KCNMB2: variants seen among roughly 807,000 people sequenced by gnomAD.
KCNMB2 encodes the protein calcium-activated potassium channel subunit beta-2.
KCNMB2 carries 9 observed loss-of-function variants against 24.5 expected under a neutral mutation model. That is an observed-to-expected ratio of 0.37 (90% CI 0.22 to 0.64). KCNMB2 has a LOEUF of 0.64. KCNMB2 is among the 30% of genes least tolerant of loss of function. The pLI, the probability that KCNMB2 is intolerant of heterozygous loss-of-function variation, is 0.63. For synonymous variants in KCNMB2, 109 were observed against 104.4 expected, an observed-to-expected ratio of 1.04 and a Z score of -0.27; for missense variants, 226 against 284.3, an observed-to-expected ratio of 0.79 and a Z score of 1.47.
intron 1 of KCNMB2, among the ~76,000 whole-genome samples, chr3:178,803,699 T>C (rs1271752108): frequency 1.3e-5 from 2 of 151,764 alleles, no homozygotes; most frequent in African/African-American, 2.4e-5. Context: ...TACCGAGAAC[T>C]GGGAGCAGAG....
chr3:178,678,667 G>A (rs1432621491), intron 1 of KCNMB2, among the ~76,000 whole-genome samples: 1 of 152,178 alleles, frequency 6.6e-6, no homozygotes, highest in Admixed American at 6.5e-5. Flanking sequence ...ACCTATTGGG[G>A]ATGCTGCTGT....
chr3:178,631,241 C>G (rs576399511), intron 1 of KCNMB2, among the ~76,000 whole-genome samples: 2 of 152,306 alleles, frequency 1.3e-5, no homozygotes, highest in African/African-American at 4.8e-5. Context: ...ATTCCTTCTT[C>G]TCCGTGACTG....
At chr3:178,723,268 A>C (rs926247379) in intron 1 of KCNMB2, among the ~76,000 whole-genome samples, 1 of 152,192 alleles carries the variant, frequency 6.6e-6, no homozygotes, top group African/African-American at 2.4e-5. Context: ...TCCTGCTGGA[A>C]TTTTGATTGA....
At chr3:178,798,996 C>G (rs1209693017) in intron 1 of KCNMB2, among the ~76,000 whole-genome samples, 1 of 148,232 alleles carries the variant, frequency 6.7e-6, no homozygotes, top group African/African-American at 2.5e-5. Flanking sequence ...AAAAAAAAAA[C>G]TCTCAACAAA....
At chr3:178,781,090 A>G (rs1219683959) in intron 1 of KCNMB2, among the ~76,000 whole-genome samples, 1 of 152,108 alleles carries the variant, frequency 6.6e-6, no homozygotes, top group Non-Finnish European at 1.5e-5. Context: ...TTATTACATG[A>G]TGAAATTGTA....
rs2108524554 is a variant in KCNMB2, at chr3:178,618,479, G to A, written c.-68+81768G>A. Among the ~76,000 whole-genome samples the A allele has an allele frequency of 2.0e-5, 3 of 152,322 alleles. No homozygotes were observed. In the South Asian group the frequency reaches 6.2e-4, roughly 32 times the overall value. On this transcript the variant is annotated intron_variant, in intron 1 of 4. Coordinates refer to ENST00000452583, the MANE Select transcript of KCNMB2 (RefSeq NM_181361.3). ...GAAAGAAAGACCAGATACATAGCAA[G>A]AGCTTCGTTCTTGCATTCAGGGGTC...
chr3:178,721,090 G>C (rs1313820674), intron 1 of KCNMB2, among the ~76,000 whole-genome samples: 1 of 152,098 alleles, frequency 6.6e-6, no homozygotes, highest in Non-Finnish European at 1.5e-5. Flanking sequence ...TTTTCTTCCG[G>C]GGTTTTTATG....
At chr3:178,709,044 T>C (rs1452166223) in intron 1 of KCNMB2, among the ~76,000 whole-genome samples, 1 of 152,128 alleles carries the variant, frequency 6.6e-6, no homozygotes, top group African/African-American at 2.4e-5. Context: ...GAGGAAAAAA[T>C]AGCAGTGTAC....
At chr3:178,812,395 A>G (rs1264842471) in intron 2 of KCNMB2, among the ~76,000 whole-genome samples, 2 of 61,218 alleles carry the variant, frequency 3.3e-5, no homozygotes, top group African/African-American at 1.3e-4. Flanking sequence ...CCCTCCCCCC[A>G]CCCCACAACA....
At chr3:178,786,902 A>G (rs1434662451) in intron 1 of KCNMB2, among the ~76,000 whole-genome samples, 1 of 152,148 alleles carries the variant, frequency 6.6e-6, no homozygotes, top group Non-Finnish European at 1.5e-5. Context: ...AAGACAGATT[A>G]TAAGTCAAAT....
chr3:178,665,196 C>G (rs1383032437), intron 1 of KCNMB2, among the ~76,000 whole-genome samples: 1 of 152,100 alleles, frequency 6.6e-6, no homozygotes, highest in Non-Finnish European at 1.5e-5. Context: ...CTTTAAGGTT[C>G]CACCAGAGGA....
At chr3:178,548,071 C>G (rs1337268678) in intron 1 of KCNMB2, among the ~76,000 whole-genome samples, 1 of 152,128 alleles carries the variant, frequency 6.6e-6, no homozygotes. Context: ...CAAATAAAGT[C>G]CCTTTATTGG....
intron 1 of KCNMB2, among the ~76,000 whole-genome samples, chr3:178,660,551 C>G (rs1720489838): frequency 3.9e-5 from 6 of 152,134 alleles, no homozygotes; most frequent in Admixed American, 3.9e-4. Flanking sequence ...CTGACAAGAC[C>G]CTCTTTGCTT....
intron 1 of KCNMB2, among the ~76,000 whole-genome samples, chr3:178,650,347 T>A (rs1328872021): frequency 6.6e-6 from 1 of 152,164 alleles, no homozygotes; most frequent in Non-Finnish European, 1.5e-5. Flanking sequence ...GTTCTGTAGA[T>A]GTCTATTAGG....
At chr3:178,700,018 C>A (rs936203015) in intron 1 of KCNMB2, among the ~76,000 whole-genome samples, 1 of 152,194 alleles carries the variant, frequency 6.6e-6, no homozygotes, top group Non-Finnish European at 1.5e-5. Context: ...AAGGTCGGTG[C>A]CTTTCCTCTG....
intron 1 of KCNMB2, among the ~76,000 whole-genome samples, chr3:178,670,653 GCTC>G (rs755567858): frequency 1.3e-5 from 2 of 152,078 alleles, no homozygotes; most frequent in East Asian, 3.9e-4. Flanking sequence ...TAAAACTGAG[GCTC>G]AAGTCATTCA....
At chr3:178,633,238 C>T (rs1352113862) in intron 1 of KCNMB2, among the ~76,000 whole-genome samples, 1 of 152,206 alleles carries the variant, frequency 6.6e-6, no homozygotes, top group Non-Finnish European at 1.5e-5. Context: ...CCTCTTCTCA[C>T]AGATCCACTA....
At chr3:178,779,119 A>T (rs992320341) in intron 1 of KCNMB2, among the ~76,000 whole-genome samples, 1 of 152,216 alleles carries the variant, frequency 6.6e-6, no homozygotes, top group African/African-American at 2.4e-5. Context: ...GATTTTTCAC[A>T]GTGGGTTATT....
Position 178,618,186 on chromosome 3 carries a change from A to T in KCNMB2, c.-68+81475A>T, listed in dbSNP as rs546307065. Reference sequence around the variant, plus strand: ...ATTCTTACTTTTCCACATTATTACAAAAATAAATAACAGCAAAAATAATAC... The same window carrying T: ...ATTCTTACTTTTCCACATTATTACATAAATAAATAACAGCAAAAATAATAC... On this transcript the variant is annotated intron_variant, in intron 1 of 4. Coordinates refer to ENST00000452583, the MANE Select transcript of KCNMB2 (RefSeq NM_181361.3). Among the ~76,000 whole-genome samples, 5 of 152,326 alleles carry T rather than the reference A, an allele frequency of 3.3e-5. No homozygotes were observed. The South Asian group carries it at 1.0e-3, about 32-fold the overall frequency.
Sources: gnomAD v4.1 joint callset for allele counts (sites outside exome capture counted in the v4.1 genomes callset) on GRCh38, gnomAD v4.1.1 for gene constraint, MANE v1.5 for transcripts, NCBI Gene and HGNC (gene_info 2026-07-23, HGNC 2026-07-21) for gene names.